The following MGAT4C variants were observed in gnomAD, a reference collection of about 807,000 sequenced individuals.
MGAT4C encodes the protein alpha-1,3-mannosyl-glycoprotein 4-beta-N-acetylglucosaminyltransferase C.
Under a neutral mutation model 40.1 loss-of-function variants are expected in MGAT4C, and 19 were observed. The ratio of observed to expected loss-of-function variants is 0.47; its 90% CI spans 0.33 to 0.70. The LOEUF (loss-of-function observed/expected upper bound fraction) is 0.70. Ranked by LOEUF, MGAT4C falls within the 30% of genes least tolerant of loss-of-function variation. The pLI, the probability that MGAT4C is intolerant of heterozygous loss-of-function variation, is 0.02. For synonymous variants in MGAT4C, 181 were observed against 187.1 expected (o/e 0.97, Z 0.27); for missense variants, 491 against 563.2 (o/e 0.87, Z 1.30).
intron 2 of MGAT4C, among the ~76,000 whole-genome samples, chr12:86,469,855 A>T (rs1426332618): frequency 6.6e-6 from 1 of 152,174 alleles, no homozygotes; most frequent in Non-Finnish European, 1.5e-5. Context: ...ATATGAAACC[A>T]CATATTTGCA....
intron 2 of MGAT4C, among the ~76,000 whole-genome samples, chr12:86,535,924 T>A (rs924527659): frequency 1.3e-5 from 2 of 152,124 alleles, no homozygotes; most frequent in African/African-American, 4.8e-5. Flanking sequence ...GATATTTTCA[T>A]TATGTGTTTT....
intron 2 of MGAT4C, among the ~76,000 whole-genome samples, chr12:86,007,445 T>C (rs575757466): frequency 4.2e-4 from 64 of 152,256 alleles, no homozygotes; most frequent in African/African-American, 1.4e-3. Flanking sequence ...AAGATCACCA[T>C]GATCTGGTAG....
At chr12:86,189,503 A>G (rs1049207847) in intron 1 of MGAT4C, among the ~76,000 whole-genome samples, 7 of 151,974 alleles carry the variant, frequency 4.6e-5, no homozygotes, top group Non-Finnish European at 1.0e-4. Flanking sequence ...ATTGAATGAC[A>G]CTGAAGAACA....
intron 2 of MGAT4C, among the ~76,000 whole-genome samples, chr12:86,665,031 A>T (rs1964069163): frequency 6.6e-6 from 1 of 152,108 alleles, no homozygotes; most frequent in South Asian, 2.1e-4. Flanking sequence ...GTAGAGTAGA[A>T]TAATCAATAA....
chr12:86,830,292 T>C (rs963986601), intron 1 of MGAT4C, among the ~76,000 whole-genome samples: 1 of 151,714 alleles, frequency 6.6e-6, no homozygotes, highest in African/African-American at 2.4e-5. Context: ...GCCCCTGTCA[T>C]GGGGTCTGAC....
intron 1 of MGAT4C, among the ~76,000 whole-genome samples, chr12:86,224,637 C>A (rs1039145617): frequency 2.0e-5 from 3 of 152,074 alleles, no homozygotes; most frequent in Admixed American, 1.3e-4. Context: ...CTGAAATCAA[C>A]AACAGGAAAT....
intron 2 of MGAT4C, among the ~76,000 whole-genome samples, chr12:86,031,580 CA>C (rs1890758859): frequency 6.6e-6 from 1 of 151,638 alleles, no homozygotes; most frequent in South Asian, 2.1e-4. Context: ...ACAACACCTG[CA>C]ATGTTCAAAT....
At chr12:86,210,066 C>T (rs1239875364) in intron 1 of MGAT4C, among the ~76,000 whole-genome samples, 1 of 152,144 alleles carries the variant, frequency 6.6e-6, no homozygotes, top group Non-Finnish European at 1.5e-5. Flanking sequence ...TTTCTTGAAA[C>T]CACTTTTGCT....
intron 1 of MGAT4C, among the ~76,000 whole-genome samples, chr12:86,820,007 T>C (rs1239396632): frequency 2.0e-5 from 3 of 150,786 alleles, no homozygotes; most frequent in African/African-American, 7.3e-5. Flanking sequence ...AATGGGATAA[T>C]TTGCTATAGA....
At chr12:86,116,287 T>C (rs957790390) in intron 1 of MGAT4C, among the ~76,000 whole-genome samples, 24 of 151,934 alleles carry the variant, frequency 1.6e-4, no homozygotes, top group African/African-American at 5.8e-4. Flanking sequence ...CTCTGACTTC[T>C]CTATGAACAA....
chr12:86,361,870 T>G (rs74566210), intron 3 of MGAT4C, among the ~76,000 whole-genome samples: 13,865 of 152,104 alleles, frequency 0.091, 776 homozygotes, highest in Middle Eastern at 0.22. Context: ...AAACAGGAAT[T>G]CCTTTACCCT....
At chr12:86,120,545 CA>C (rs1879209931) in intron 1 of MGAT4C, among the ~76,000 whole-genome samples, 1 of 152,168 alleles carries the variant, frequency 6.6e-6, no homozygotes, top group Non-Finnish European at 1.5e-5. Context: ...ACGAAGCTTC[CA>C]GAGGAAGAAT....
chr12:86,714,710 T>C (rs1251966375), intron 2 of MGAT4C, among the ~76,000 whole-genome samples: 2 of 151,316 alleles, frequency 1.3e-5, no homozygotes, highest in African/African-American at 2.4e-5. Context: ...CTCCAGTATG[T>C]CTTTATCAGT....
chr12:86,528,082 G>A (rs1958915264), intron 2 of MGAT4C, among the ~76,000 whole-genome samples: 1 of 152,066 alleles, frequency 6.6e-6, no homozygotes, highest in African/African-American at 2.4e-5. Flanking sequence ...GCTGATTAAA[G>A]ATAACATGAT....
chr12:86,804,544 A>G (rs1477838354), intron 1 of MGAT4C, among the ~76,000 whole-genome samples: 1 of 151,972 alleles, frequency 6.6e-6, no homozygotes, highest in Non-Finnish European at 1.5e-5. Flanking sequence ...GCTATATTGT[A>G]ATTGAAATAA....
Position 86,203,975 on chromosome 12 carries a change from A to AATATATATATATATATATATATAT in MGAT4C, c.-57+52263_-57+52264insATATATATATATATATATATATAT, listed in dbSNP as rs56952745. 2.5e-3 allele frequency among the ~76,000 whole-genome samples: 346 copies of AATATATATATATATATATATATAT among 136,842 alleles called. 1 individual carries two copies. The highest frequency in any genetic ancestry group is 5.0e-3 in the Admixed American group (66 of 13,096). The allele number at this position is 136,842 out of a possible 152,430, so 89.8% of individuals were successfully genotyped here. On this transcript the variant is annotated intron_variant, in intron 1 of 4. Transcript: ENST00000611864. Reference sequence around the variant, plus strand: ...TTCGTCTCAAAAAAAAAAAAAAAGAAATATATATATATATATATGCCTTAT... The same window carrying AATATATATATATATATATATATAT: ...TTCGTCTCAAAAAAAAAAAAAAAGAAATATATATATATATATATATATATATATATATATATATATATGCCTTAT...
At chr12:86,836,277 G>C (rs188164524) in intron 1 of MGAT4C, among the ~76,000 whole-genome samples, 2 of 152,006 alleles carry the variant, frequency 1.3e-5, no homozygotes, top group South Asian at 4.1e-4. Flanking sequence ...CTGAATATAG[G>C]ATGTTTCATA....
chr12:86,709,884 G>A (rs1037525879), intron 2 of MGAT4C, among the ~76,000 whole-genome samples: 1 of 151,978 alleles, frequency 6.6e-6, no homozygotes, highest in Non-Finnish European at 1.5e-5. Flanking sequence ...AATACTCTTG[G>A]ATGGCATAAA....
chr12:86,476,054 G>A (rs1957830778), intron 2 of MGAT4C, among the ~76,000 whole-genome samples: 1 of 151,974 alleles, frequency 6.6e-6, no homozygotes, highest in Non-Finnish European at 1.5e-5. Flanking sequence ...TTGTACATGT[G>A]TGCACGTGTG....
Sources: gnomAD v4.1 joint callset for allele counts (sites outside exome capture counted in the v4.1 genomes callset) on GRCh38, gnomAD v4.1.1 for gene constraint, MANE v1.5 for transcripts, NCBI Gene and HGNC (gene_info 2026-07-23, HGNC 2026-07-21) for gene names.